TECRL: variants seen among roughly 807,000 people sequenced by gnomAD.
TECRL encodes the protein trans-2,3-enoyl-CoA reductase like.
A neutral mutation model predicts 52.8 loss-of-function variants in TECRL; 63 were observed. The ratio of observed to expected loss-of-function variants is 1.19; its 90% CI spans 0.97 to 1.47. The LOEUF (loss-of-function observed/expected upper bound fraction) is 1.47. Among genes scored for constraint, TECRL ranks in the 40% most tolerant of loss-of-function variants. The pLI, the probability that TECRL is intolerant of heterozygous loss-of-function variation, is 0.00. For missense variants in TECRL, 482 were observed against 429.6 expected (o/e 1.12, Z -1.08); for synonymous variants, 164 against 141.9 (o/e 1.16, Z -1.10).
chr4:64,352,733 A>G (rs763180127), intron 2 of TECRL, among the ~76,000 whole-genome samples: 56 of 152,222 alleles, frequency 3.7e-4, no homozygotes, highest in Non-Finnish European at 4.7e-4. Context: ...CACACACCAC[A>G]TGTAAGCACT....
At chr4:64,338,304 T>C (rs1010813773) in intron 2 of TECRL, among the ~76,000 whole-genome samples, 13 of 152,150 alleles carry the variant, frequency 8.5e-5, no homozygotes, top group African/African-American at 2.9e-4. Flanking sequence ...AAGACTTACA[T>C]GTTAGACCTA....
At chr4:64,285,339 C>T (rs1723028375) in intron 9 of TECRL, among the ~76,000 whole-genome samples, 1 of 152,100 alleles carries the variant, frequency 6.6e-6, no homozygotes, top group Admixed American at 6.6e-5. Context: ...GACTACATCA[C>T]AGCTCAACTT....
At chr4:64,393,404 A>T (rs1226483528) in intron 1 of TECRL, among the ~76,000 whole-genome samples, 1 of 152,086 alleles carries the variant, frequency 6.6e-6, no homozygotes, top group Non-Finnish European at 1.5e-5. Context: ...GTATGGAAAG[A>T]TAAATAATGC....
intron 2 of TECRL, among the ~76,000 whole-genome samples, chr4:64,365,602 G>A (rs1390024348): frequency 6.6e-6 from 1 of 151,970 alleles, no homozygotes; most frequent in African/African-American, 2.4e-5. Flanking sequence ...AAAGCTGAGA[G>A]CCAAAACAAA....
At chr4:64,398,691 A>C (rs1457211095) in intron 1 of TECRL, among the ~76,000 whole-genome samples, 1 of 152,200 alleles carries the variant, frequency 6.6e-6, no homozygotes, top group Non-Finnish European at 1.5e-5. Context: ...AGCCTAATGC[A>C]GGGTGAAGTA....
At chr4:64,348,532 G>T (rs779188571) in intron 2 of TECRL, among the ~76,000 whole-genome samples, 1 of 152,068 alleles carries the variant, frequency 6.6e-6, no homozygotes, top group African/African-American at 2.4e-5. Context: ...ATCCTACCTC[G>T]GTTCCACATC....
At chr4:64,358,740 T>C (rs1350643622) in intron 2 of TECRL, among the ~76,000 whole-genome samples, 1 of 151,742 alleles carries the variant, frequency 6.6e-6, no homozygotes, top group East Asian at 1.9e-4. Flanking sequence ...ATTTTAAAAA[T>C]TGTTTTTATA....
intron 4 of TECRL, among the ~76,000 whole-genome samples, chr4:64,316,470 A>T (rs548442885): frequency 6.6e-6 from 1 of 152,304 alleles, no homozygotes; most frequent in South Asian, 2.1e-4. Context: ...ATTTAAAAAA[A>T]TTATTTCAGT....
intron 2 of TECRL, among the ~76,000 whole-genome samples, chr4:64,331,348 G>A (rs956285836): frequency 3.9e-5 from 6 of 152,078 alleles, no homozygotes; most frequent in Non-Finnish European, 8.8e-5. Flanking sequence ...TTCCACTAAT[G>A]GTGATCTCAA....
At chr4:64,381,259 AATTT>A (rs1296062655) in intron 1 of TECRL, among the ~76,000 whole-genome samples, 3 of 152,012 alleles carry the variant, frequency 2.0e-5, no homozygotes, top group Non-Finnish European at 4.4e-5. Context: ...AAGTTTACTG[AATTT>A]ATTTATCAGT....
intron 1 of TECRL, among the ~76,000 whole-genome samples, chr4:64,375,647 C>T (rs1054128824): frequency 6.6e-6 from 1 of 151,702 alleles, no homozygotes; most frequent in Admixed American, 6.6e-5. Context: ...GAAATGTTTA[C>T]CTCAGAATTT....
At chr4:64,396,113 G>A (rs1008227831) in intron 1 of TECRL, among the ~76,000 whole-genome samples, 1 of 150,698 alleles carries the variant, frequency 6.6e-6, no homozygotes, top group Non-Finnish European at 1.5e-5. Context: ...TTGCTATTGT[G>A]AATACTGCTG....
intron 6 of TECRL, among the ~76,000 whole-genome samples, chr4:64,309,367 G>A (rs1241862158): frequency 6.6e-6 from 1 of 151,960 alleles, no homozygotes; most frequent in Non-Finnish European, 1.5e-5. Flanking sequence ...TCATGTTTTG[G>A]TAGTTATTTG....
rs114987984 is a variant in TECRL, at chr4:64,369,998, A to T, written c.286+5174T>A. 6.4e-3 allele frequency among the ~76,000 whole-genome samples: 965 copies of T among 151,914 alleles called. 6 individuals carry two copies. The highest frequency in any genetic ancestry group is 9.6e-3 in the Non-Finnish European group (651 of 67,842). ...TTGAAAGAGTGAGGAAAATTTTCTT[A>T]GCCCAAAGGCATATATATCTTGATA... On this transcript the variant is annotated intron_variant, in intron 2 of 11. Coordinates refer to ENST00000381210, the MANE Select transcript of TECRL (RefSeq NM_001010874.5).
chr4:64,376,576 T>A (rs1252027624), intron 1 of TECRL, among the ~76,000 whole-genome samples: 1 of 152,106 alleles, frequency 6.6e-6, no homozygotes, highest in African/African-American at 2.4e-5. Flanking sequence ...TTTATCTCAA[T>A]GTTTCTTATT....
intron 8 of TECRL, among the ~76,000 whole-genome samples, chr4:64,290,514 GAA>G (rs1323201311): frequency 2.6e-5 from 4 of 152,208 alleles, no homozygotes; most frequent in African/African-American, 9.6e-5. Flanking sequence ...GTTATTGTTT[GAA>G]GTCATTCAAC....
At chr4:64,292,016 T>C (rs931084997) in intron 8 of TECRL, among the ~76,000 whole-genome samples, 1 of 152,104 alleles carries the variant, frequency 6.6e-6, no homozygotes, top group Middle Eastern at 3.4e-3. Context: ...AAGCACTGGC[T>C]TTTACACCTT....
At chr4:64,325,590 C>A (rs1022853897) in intron 3 of TECRL, among the ~76,000 whole-genome samples, 1 of 151,990 alleles carries the variant, frequency 6.6e-6, no homozygotes, top group Non-Finnish European at 1.5e-5. Context: ...AAAACTTTCA[C>A]AATATGGATC....
At chr4:64,408,514 T>A (rs1162639204) in intron 1 of TECRL, among the ~76,000 whole-genome samples, 2 of 152,028 alleles carry the variant, frequency 1.3e-5, no homozygotes, top group African/African-American at 4.8e-5. Flanking sequence ...CACCTGTGAA[T>A]ATGGATTTGG....
Sources: gnomAD v4.1 joint callset for allele counts (sites outside exome capture counted in the v4.1 genomes callset) on GRCh38, gnomAD v4.1.1 for gene constraint, MANE v1.5 for transcripts, NCBI Gene and HGNC (gene_info 2026-07-23, HGNC 2026-07-21) for gene names.